SVOPL: variants seen among roughly 807,000 people sequenced by gnomAD.
The protein encoded by SVOPL is SVOP like.
In SVOPL, 60 loss-of-function variants were observed where a neutral mutation model predicts 61.0. The ratio of observed to expected loss-of-function variants is 0.98; its 90% confidence interval spans 0.80 to 1.22. SVOPL has a LOEUF of 1.22. SVOPL is among the 50% of genes most tolerant of loss of function. SVOPL has a pLI of 0.00. For missense variants in SVOPL, 662 were observed against 643.9 expected, an observed-to-expected ratio of 1.03 and a Z score of -0.30; for synonymous variants, 279 against 250.0, an observed-to-expected ratio of 1.12 and a Z score of -1.09.
chr7:138,614,583 A>T (rs967447981), intron 14 of SVOPL, among the ~76,000 whole-genome samples: 4 of 151,926 alleles, frequency 2.6e-5, no homozygotes, highest in Non-Finnish European at 5.9e-5. Flanking sequence ...TTTAGTAGAG[A>T]TGGGGTTTCA....
chr7:138,639,619 C>CAA (rs71179709), intron 9 of SVOPL, among the ~76,000 whole-genome samples: 155 of 127,086 alleles, frequency 1.2e-3, no homozygotes, highest in African/African-American at 4.7e-3. Flanking sequence ...GACTCCGTCT[C>CAA]AAAAAAAAAA....
chr7:138,689,067 C>A (rs1802881382), intron 1 of SVOPL: 1 of 730,854 alleles, frequency 1.4e-6, no homozygotes, highest in South Asian at 1.3e-5. Context: ...TAAGAACACT[C>A]ATGACACTTC....
intron 1 of SVOPL, among the ~76,000 whole-genome samples, chr7:138,681,788 A>C (rs1358134107): frequency 3.9e-5 from 6 of 152,134 alleles, no homozygotes; most frequent in Non-Finnish European, 8.8e-5. Flanking sequence ...GGGCCACTGC[A>C]CTCCAGTCTG....
Position 138,659,861 on chromosome 7 carries a change from T to C in SVOPL, c.470+3A>G. ...CTCAGGGTCCCCTGGGTAACATATT[T>C]ACCCTTGCGAGTGGCCGGACACACC... On this transcript the variant is annotated splice_donor_region_variant and intron_variant, in intron 6 of 15. Coordinates refer to ENST00000674285, the MANE Select transcript of SVOPL (RefSeq NM_001139456.2). 7 of 1,551,482 alleles carry C rather than the reference T, an allele frequency of 4.5e-6. No individual in the cohort carries two copies. Among genetic ancestry groups the C allele is most frequent in the Non-Finnish European group, 6.1e-6 (7 of 1,146,946 alleles).
At chr7:138,629,156 T>TAC (rs1436594100) in intron 10 of SVOPL, among the ~76,000 whole-genome samples, 5 of 150,932 alleles carry the variant, frequency 3.3e-5, no homozygotes, top group African/African-American at 1.2e-4. Flanking sequence ...TGTGTGTGTA[T>TAC]ATATGTATAT....
intron 3 of SVOPL, among the ~76,000 whole-genome samples, chr7:138,673,252 C>T (rs1802475846): frequency 6.6e-6 from 1 of 152,108 alleles, no homozygotes. Flanking sequence ...TTGAAGTACA[C>T]ATATTATAGT....
At position 138,649,062 on chromosome 7, in the gene SVOPL, G is replaced by C. The variant is rs746144766; in HGVS notation, c.610C>G (p.Leu204Val). ...VIIPTIGWRW[L>V]IRVASIPGII... ...CCCGGGATGGAGGCGACGCGAATGA[G>C]CCAGCGCCACCCGATGGTGGGGATG... The change falls in exon 8 of 16, where the codon CTC becomes GTC. Residue 204 changes from leucine (L) to valine (V), a missense_variant. Physicochemically the swap from Leu to Val is conservative, Grantham distance 32. Transcript: ENST00000674285. The C allele has an allele frequency of 4.3e-6, 7 of 1,613,766 alleles. No individual in the cohort carries two copies. Among genetic ancestry groups the C allele is most frequent in the Middle Eastern group, 1.6e-4 (1 of 6,082 alleles).
intron 1 of SVOPL, among the ~76,000 whole-genome samples, chr7:138,682,883 G>A (rs902734100): frequency 1.1e-4 from 16 of 150,078 alleles, no homozygotes; most frequent in Admixed American, 6.1e-4. Flanking sequence ...CACAAGAGTC[G>A]CTGGAACCCA....
chr7:138,609,886 C>T (rs370710482), intron 14 of SVOPL, among the ~76,000 whole-genome samples: 1 of 152,036 alleles, frequency 6.6e-6, no homozygotes, highest in African/African-American at 2.4e-5. Flanking sequence ...GCACCCGCCA[C>T]CACACTCAGA....
At chr7:138,667,566 T>C (rs1802297524) in intron 4 of SVOPL, among the ~76,000 whole-genome samples, 1 of 152,222 alleles carries the variant, frequency 6.6e-6, no homozygotes, top group African/African-American at 2.4e-5. Flanking sequence ...TTATATAAAA[T>C]GTAGATTTAC....
chr7:138,630,992 C>T (rs933420974), intron 9 of SVOPL, among the ~76,000 whole-genome samples: 1 of 148,924 alleles, frequency 6.7e-6, no homozygotes, highest in African/African-American at 2.5e-5. Flanking sequence ...TACATGATGG[C>T]ACAGAAATGG....
At chr7:138,621,862 C>CTATGTATCTATCTATGTATCTATCTATG in intron 13 of SVOPL, among the ~76,000 whole-genome samples, 1 of 41,186 alleles carries the variant, frequency 2.4e-5, no homozygotes, top group South Asian at 1.3e-3. Flanking sequence ...ATCTATCTAT[C>CTATGTATCTATCTATGTATCTATCTATG]TATCTATCTA....
At chr7:138,658,173 T>C (rs766918131) in intron 6 of SVOPL, among the ~76,000 whole-genome samples, 48 of 152,128 alleles carry the variant, frequency 3.2e-4, no homozygotes, top group Non-Finnish European at 5.9e-4. Flanking sequence ...TATCTCTTCC[T>C]GTGACTAGGA....
At chr7:138,664,717 G>A (rs1198391530) in intron 4 of SVOPL, among the ~76,000 whole-genome samples, 1 of 150,362 alleles carries the variant, frequency 6.7e-6, no homozygotes, top group East Asian at 2.0e-4. Context: ...GATCCTCCAT[G>A]GGTGTGCCGC....
intron 13 of SVOPL, 93 bp from the exon 14 acceptor site, chr7:138,621,228 AT>A (rs1198040362): frequency 3.1e-6 from 3 of 976,884 alleles, no homozygotes; most frequent in Non-Finnish European, 4.6e-6. Flanking sequence ...AGGTTTTGGA[AT>A]GCATAGAGCA....
chr7:138,668,235 C>T (rs910598078), intron 4 of SVOPL, among the ~76,000 whole-genome samples: 1 of 152,062 alleles, frequency 6.6e-6, no homozygotes, highest in Non-Finnish European at 1.5e-5. Flanking sequence ...ACTGACCTTC[C>T]CCCACCCACC....
exon 1 of SVOPL, chr7:138,701,358 TCTTTAAGGGCCAA>T (rs1803195140): frequency 6.6e-6 from 1 of 152,252 alleles, no homozygotes; most frequent in South Asian, 2.1e-4. Context: ...AGATCAGGAT[TCTTTAAGGGCCAA>T]CTTCGCATTC....
chr7:138,662,438 T>C (rs1802040360), intron 5 of SVOPL: 1 of 985,430 alleles, frequency 1.0e-6, no homozygotes, highest in Non-Finnish European at 1.2e-6. Context: ...ACTTGGGTGC[T>C]CTGGGGGGTT....
chr7:138,626,751 C>A (rs1449889701), intron 12 of SVOPL, among the ~76,000 whole-genome samples: 1 of 151,708 alleles, frequency 6.6e-6, no homozygotes, highest in African/African-American at 2.4e-5. Context: ...GAGGCTGAGG[C>A]AGGAGGATGG....
Sources: allele counts gnomAD v4.1 joint callset (sites outside exome capture counted in the v4.1 genomes callset), GRCh38; gene constraint gnomAD v4.1.1; transcripts MANE v1.5; gene names NCBI Gene and HGNC (gene_info 2026-07-23, HGNC 2026-07-21).